The following XKR4 variants were observed in gnomAD, a reference collection of about 807,000 sequenced individuals.
XKR4 encodes XK related 4.
A neutral mutation model predicts 53.9 loss-of-function variants in XKR4; 12 were observed. The observed-to-expected ratio is 0.22, with a 90% CI of 0.14 to 0.36. The LOEUF (loss-of-function observed/expected upper bound fraction) is 0.36. Among genes scored for constraint, XKR4 ranks in the 10% least tolerant of loss-of-function variants. XKR4 has a pLI of 1.00. For missense variants in XKR4, 799 were observed against 859.5 expected, an observed-to-expected ratio of 0.93 and a Z score of 0.88; for synonymous variants, 354 against 362.4, an observed-to-expected ratio of 0.98 and a Z score of 0.26.
In XKR4 at chr8:55,102,835, T is replaced by C. The variant is rs755568568; in HGVS notation, c.347T>C (p.Leu116Pro). Residue 116 changes from leucine to proline, a missense_variant, in exon 1 of 3, where the codon CTG becomes CCG. Leu to Pro is a moderately conservative substitution (Grantham distance 98). Around this residue, in one of 3 missense-constraint regions of XKR4, gnomAD observed 476 missense variants for 505.4 expected, o/e 0.94. Coordinates refer to ENST00000327381, the MANE Select transcript of XKR4 (RefSeq NM_052898.2). This position sits in a 1 kb window ranked among gnomAD's most constrained non-coding sequence, Gnocchi z 5.1. ...RYSLWDCLWI[L>P]AAVAVYFADV... ...TCACTGTGGGACTGCCTCTGGATCC[T>C]GGCCGCCGTGGCCGTGTACTTCGCG... 5 of 1,610,728 alleles carry C rather than the reference T, an allele frequency of 3.1e-6. No individual in the cohort carries two copies. Among genetic ancestry groups the C allele is most frequent in the Non-Finnish European group, 2.5e-6 (3 of 1,179,856 alleles).
At chr8:55,131,970 G>T (rs1465902776) in intron 1 of XKR4, among the ~76,000 whole-genome samples, 5 of 152,156 alleles carry the variant, frequency 3.3e-5, no homozygotes, top group Non-Finnish European at 7.3e-5. Context: ...TCAGATGTCT[G>T]CCCTAGAGGA....
At chr8:55,445,232 T>C (rs1805327728) in intron 2 of XKR4, among the ~76,000 whole-genome samples, 1 of 152,076 alleles carries the variant, frequency 6.6e-6, no homozygotes, top group Non-Finnish European at 1.5e-5. Flanking sequence ...TAATTTTTTG[T>C]ATTTTTAGTA....
At chr8:55,367,100 G>A (rs183644237) in intron 2 of XKR4, among the ~76,000 whole-genome samples, 15 of 152,292 alleles carry the variant, frequency 9.8e-5, no homozygotes, top group Admixed American at 3.3e-4. Context: ...AAGGAAGAGC[G>A]TTTTCAGCAT....
intron 1 of XKR4, among the ~76,000 whole-genome samples, chr8:55,133,617 T>C (rs1463087987): frequency 6.6e-6 from 1 of 152,190 alleles, no homozygotes; most frequent in Non-Finnish European, 1.5e-5. Context: ...AAGTTAACAC[T>C]CCAGAGCCTA....
intron 1 of XKR4, among the ~76,000 whole-genome samples, chr8:55,185,420 T>A (rs1817363039): frequency 6.6e-6 from 1 of 152,244 alleles, no homozygotes; most frequent in African/African-American, 2.4e-5. Flanking sequence ...AATAAACTAT[T>A]TTTCTTATCA....
At chr8:55,283,991 T>C (rs1818873583) in intron 1 of XKR4, among the ~76,000 whole-genome samples, 1 of 152,212 alleles carries the variant, frequency 6.6e-6, no homozygotes, top group Non-Finnish European at 1.5e-5. Flanking sequence ...GACTACACAT[T>C]GAAGGATGGA....
At chr8:55,139,012 CT>C (rs1816666172) in intron 1 of XKR4, among the ~76,000 whole-genome samples, 1 of 152,168 alleles carries the variant, frequency 6.6e-6, no homozygotes, top group African/African-American at 2.4e-5. Context: ...TCTTTAAATT[CT>C]GTGCTTAATC....
intron 2 of XKR4, among the ~76,000 whole-genome samples, chr8:55,394,426 G>C (rs768300172): frequency 6.6e-6 from 1 of 152,038 alleles, no homozygotes; most frequent in African/African-American, 2.4e-5. Flanking sequence ...AGCTAAAAAA[G>C]TTATCTTTAT....
chr8:55,237,895 C>T (rs1035350780), intron 1 of XKR4, among the ~76,000 whole-genome samples: 4 of 152,022 alleles, frequency 2.6e-5, no homozygotes, highest in Non-Finnish European at 4.4e-5. Context: ...TCCCCTCCTC[C>T]ATCCCCAGGG....
intron 1 of XKR4, among the ~76,000 whole-genome samples, chr8:55,346,733 A>G (rs1803651011): frequency 1.0e-5 from 1 of 96,648 alleles, no homozygotes; most frequent in African/African-American, 4.8e-5. Context: ...GTGTTTAGAA[A>G]GCTTTGTAGC....
At chr8:55,391,199 A>G (rs188624585) in intron 2 of XKR4, among the ~76,000 whole-genome samples, 1 of 152,322 alleles carries the variant, frequency 6.6e-6, no homozygotes, top group African/African-American at 2.4e-5. Flanking sequence ...ACATGACCCC[A>G]TGGAGTCATA....
intron 2 of XKR4, among the ~76,000 whole-genome samples, chr8:55,397,922 A>G (rs1363671670): frequency 6.6e-6 from 1 of 152,186 alleles, no homozygotes; most frequent in South Asian, 2.1e-4. Flanking sequence ...GGGCTCCTCC[A>G]GTCACACCTC....
chr8:55,168,726 T>A (rs2129358170), intron 1 of XKR4, among the ~76,000 whole-genome samples: 1 of 152,348 alleles, frequency 6.6e-6, no homozygotes, highest in Non-Finnish European at 1.5e-5. Context: ...CTTTTAGAGA[T>A]GTTTCAAATC....
intron 1 of XKR4, among the ~76,000 whole-genome samples, chr8:55,342,440 G>C (rs1327310750): frequency 6.6e-6 from 1 of 152,042 alleles, no homozygotes; most frequent in Non-Finnish European, 1.5e-5. Context: ...TGGCCTCACT[G>C]TGCTCCTCCC....
chr8:55,421,535 C>T (rs1399718899), intron 2 of XKR4, among the ~76,000 whole-genome samples: 1 of 152,216 alleles, frequency 6.6e-6, no homozygotes, highest in Non-Finnish European at 1.5e-5. Flanking sequence ...ATCTCTCTCT[C>T]TCTCTCTCTC....
chr8:55,512,484 C>T (rs1002573159), intron 2 of XKR4, among the ~76,000 whole-genome samples: 7 of 152,228 alleles, frequency 4.6e-5, no homozygotes, highest in Admixed American at 1.3e-4. Context: ...TCTTGAGCTT[C>T]CTTTCCCCTC....
At position 55,344,639 on chromosome 8, in the gene XKR4, G is replaced by T. The variant is rs181204930; in HGVS notation, c.807-13039G>T. Among the ~76,000 whole-genome samples, 87 of 152,274 alleles carry T rather than the reference G, an allele frequency of 5.7e-4. 1 individual carries two copies. The East Asian group carries it at 0.015, about 27-fold the overall frequency. On this transcript the variant is annotated intron_variant, in intron 1 of 2. Transcript: ENST00000327381. ...ATTTGCATGTAGGAGCTCTACAGAA[G>T]AATAATTTGGGGAGAAATGCTGCTT...
chr8:55,381,632 T>C (rs776215869), intron 2 of XKR4, among the ~76,000 whole-genome samples: 3 of 152,144 alleles, frequency 2.0e-5, no homozygotes, highest in Non-Finnish European at 4.4e-5. Context: ...CCCCAGCCAA[T>C]TGGGTGGAAG....
intron 1 of XKR4, among the ~76,000 whole-genome samples, chr8:55,307,331 A>G (rs1819317719): frequency 6.6e-6 from 1 of 152,148 alleles, no homozygotes; most frequent in Non-Finnish European, 1.5e-5. Context: ...TGGGCAAAAG[A>G]CAAGAAGAAA....
Sources: allele counts gnomAD v4.1 joint callset (sites outside exome capture counted in the v4.1 genomes callset), GRCh38; gene constraint gnomAD v4.1.1; regional missense constraint gnomAD v4.1.1; non-coding constraint Gnocchi (gnomAD v3.1); transcripts MANE v1.5; gene names NCBI Gene and HGNC (gene_info 2026-07-23, HGNC 2026-07-21).